Variants in CDHR2 observed in about 807,000 individuals in gnomAD.
CDHR2 encodes cadherin-related family member 2.
Under a neutral mutation model 138.6 loss-of-function variants are expected in CDHR2, and 104 were observed. The ratio of observed to expected loss-of-function variants is 0.75; its 90% CI spans 0.64 to 0.88. The LOEUF is 0.88. CDHR2 is among the 40% of genes least tolerant of loss of function. CDHR2 has a pLI of 0.00. For synonymous variants in CDHR2, 755 were observed against 742.8 expected (o/e 1.02, Z -0.27); for missense variants, 1,624 against 1,727.6 (o/e 0.94, Z 1.06).
intron 1 of CDHR2, among the ~76,000 whole-genome samples, chr5:176,557,692 TTC>T (rs1322785947): frequency 1.4e-4 from 5 of 35,096 alleles, no homozygotes; most frequent in Non-Finnish European, 1.9e-4. Context: ...TTTTTTTTCT[TTC>T]TTTCTTTCTT....
At chr5:176,590,856 C>T (rs1758827045) in intron 28 of CDHR2, among the ~76,000 whole-genome samples, 169 bp downstream of exon 28, 1 of 152,174 alleles carries the variant, frequency 6.6e-6, no homozygotes, top group African/African-American at 2.4e-5. Context: ...CCACGGGCCT[C>T]AGTTTCCTTA....
intron 6 of CDHR2, 48 bp downstream of exon 6, chr5:176,571,350 G>T: frequency 7.2e-7 from 1 of 1,384,278 alleles, no homozygotes; most frequent in Non-Finnish European, 1.0e-6. Context: ...ATCCCAAAGT[G>T]CTTCTCAGAG....
intron 6 of CDHR2, among the ~76,000 whole-genome samples, chr5:176,572,057 G>T (rs983789058): frequency 6.6e-6 from 1 of 151,930 alleles, no homozygotes; most frequent in Non-Finnish European, 1.5e-5. Context: ...CTCCATCCTG[G>T]GGGAAGAGAG....
In CDHR2 at chr5:176,553,627, G is replaced by A. The variant is rs527487575; in HGVS notation, c.-16+4213G>A. On this transcript the variant is annotated intron_variant, in intron 1 of 31. Coordinates refer to ENST00000261944, the MANE Select transcript of CDHR2 (RefSeq NM_017675.6). This position sits in a 1 kb window ranked among gnomAD's most constrained non-coding sequence, Gnocchi z 4.3. ...ACAGCCTCAGAGGGATGCCTGGGCT[G>A]GACGCATCCAGCCCCTGGCTGTTCC... Among the ~76,000 whole-genome samples, 2 of 152,234 alleles carry A rather than the reference G, an allele frequency of 1.3e-5. No individual in the cohort carries two copies. Among genetic ancestry groups the A allele is most frequent in the South Asian group, 4.2e-4 (2 of 4,814 alleles).
In CDHR2 at chr5:176,577,749, C is replaced by T. The variant is rs572917209; in HGVS notation, c.1463C>T (p.Thr488Met). 2.5e-5 allele frequency: 40 copies of T among 1,614,186 alleles called. No individual in the cohort carries two copies. The highest frequency in any genetic ancestry group is 8.3e-5 in the Admixed American group (5 of 60,020). ...TTTCCCCAGAGCTTGTACGTCCTCA[C>T]GGTGCCAGAGCACAGCGCCACCGGC... ...PTFPQSLYVL[T>M]VPEHSATGSV... Residue 488 changes from threonine (T) to methionine (M), a missense_variant, in exon 14 of 32, where the codon ACG becomes ATG. By Grantham distance (81) the Thr-to-Met change is moderately conservative. This residue lies in a region of CDHR2 where 1,061 missense variants were observed against 1,136.6 expected (regional missense o/e 0.93). Coordinates refer to ENST00000261944, the MANE Select transcript of CDHR2 (RefSeq NM_017675.6).
At chr5:176,556,258 C>T (rs79581348) in intron 1 of CDHR2, among the ~76,000 whole-genome samples, 4 of 152,232 alleles carry the variant, frequency 2.6e-5, no homozygotes, top group Non-Finnish European at 5.9e-5. Flanking sequence ...AATCTCATCA[C>T]TTTAGGAGGC....
At position 176,579,364 on chromosome 5, in the gene CDHR2, ACAGGC is replaced by A. The variant is rs1758474873; in HGVS notation, c.1818+757_1818+761del. Among the ~76,000 whole-genome samples, 42 of 152,234 alleles carry A rather than the reference ACAGGC, an allele frequency of 2.8e-4. 1 individual carries two copies. The highest frequency in any genetic ancestry group is 2.7e-3 in the Admixed American group (42 of 15,284). On this transcript the variant is annotated intron_variant, in intron 16 of 31. Transcript: ENST00000261944. ...AATAGTTCCCATTTCTCAGGAGACA[ACAGGC>A]TCAGAAAGGTTAAGTGATTTTCTGT... is the stretch of plus-strand genomic sequence containing the variant.
At position 176,571,313 on chromosome 5, in the gene CDHR2, C is replaced by T. The variant is rs1328337633; in HGVS notation, c.405+11C>T. The stretch of plus-strand genomic sequence containing the variant: ...ACCAGCATCAACGAGGTGACACCTG[C>T]CTTAATGTGGTTGTGGGGCAGGGGG... On this transcript the variant is annotated intron_variant, in intron 6 of 31. Transcript: ENST00000261944. 9.4e-6 allele frequency: 15 copies of T among 1,593,858 alleles called. No individual in the cohort carries two copies. Among genetic ancestry groups the T allele is most frequent in the Non-Finnish European group, 1.3e-5 (15 of 1,168,556 alleles).
At chr5:176,561,456 C>T (rs1017579254) in intron 1 of CDHR2, among the ~76,000 whole-genome samples, 16 of 152,140 alleles carry the variant, frequency 1.1e-4, no homozygotes, top group African/African-American at 3.4e-4. Context: ...GTGCATCAGA[C>T]GCAGACCTTG....
rs751352162 is a variant in CDHR2 at position 176,577,654 on chromosome 5, C to T, written c.1368C>T (p.Ser456=). ...GCCCCCAGGTTGTGGCCACAGACTC[C>T]GTCAGCCAGAACTTCTCCGTCGCCA... ...AMAVQVVATD[S]VSQNFSVAMV... Residue 456 remains serine (S), a synonymous_variant, in exon 14 of 32, where the codon TCC becomes TCT. Transcript: ENST00000261944. The T allele has an allele frequency of 9.9e-6, 16 of 1,614,086 alleles. No individual in the cohort carries two copies. Among genetic ancestry groups the T allele is most frequent in the African/African-American group, 2.7e-5 (2 of 74,938 alleles).
intron 1 of CDHR2, among the ~76,000 whole-genome samples, chr5:176,564,720 C>T (rs114480166): frequency 1.8e-4 from 28 of 152,050 alleles, no homozygotes; most frequent in African/African-American, 6.5e-4. Flanking sequence ...TCTGCTGTGG[C>T]GCATCTCAGA....
At position 176,553,606 on chromosome 5, in the gene CDHR2, C is replaced by T. The variant is rs114568376; in HGVS notation, c.-16+4192C>T. Among the ~76,000 whole-genome samples, 1,401 of 152,234 alleles carry T rather than the reference C, an allele frequency of 9.2e-3. 8 individuals are homozygous for T. Among genetic ancestry groups the T allele is most frequent in the Non-Finnish European group, 0.015 (1,044 of 67,984 alleles). On this transcript the variant is annotated intron_variant, in intron 1 of 31. Coordinates refer to ENST00000261944, the MANE Select transcript of CDHR2 (RefSeq NM_017675.6). This position sits in a 1 kb window ranked among gnomAD's most constrained non-coding sequence, Gnocchi z 4.3. ...GAGGGAGGTAGGTTCCAGGTTACAG[C>T]CTCAGAGGGATGCCTGGGCTGGACG... is the stretch of plus-strand genomic sequence containing the variant.
intron 1 of CDHR2, among the ~76,000 whole-genome samples, chr5:176,558,699 T>C (rs1028247936): frequency 6.6e-6 from 1 of 150,732 alleles, no homozygotes. Flanking sequence ...TTTTGTATTT[T>C]TTAATGGAGA....
At chr5:176,594,903 G>C (rs1436077128) in intron 31 of CDHR2, among the ~76,000 whole-genome samples, 3 of 152,206 alleles carry the variant, frequency 2.0e-5, no homozygotes, top group African/African-American at 7.2e-5. Context: ...AAGGGCGGGA[G>C]AGATGAGTGA....
In CDHR2 at chr5:176,571,311, T is replaced by C; in HGVS notation, c.405+9T>C. On this transcript the variant is annotated intron_variant, in intron 6 of 31. Transcript: ENST00000261944. The stretch of plus-strand genomic sequence containing the variant: ...CCACCAGCATCAACGAGGTGACACC[T>C]GCCTTAATGTGGTTGTGGGGCAGGG... The C allele has an allele frequency of 6.3e-7, 1 of 1,594,218 alleles. No individual in the cohort carries two copies. Among genetic ancestry groups the C allele is most frequent in the Non-Finnish European group, 8.6e-7 (1 of 1,168,830 alleles).
chr5:176,556,987 C>T (rs2113261489), intron 1 of CDHR2, among the ~76,000 whole-genome samples: 1 of 105,108 alleles, frequency 9.5e-6, no homozygotes, highest in Middle Eastern at 4.5e-3. Flanking sequence ...TCCTCTCTTC[C>T]TTCCTTCCTT....
chr5:176,578,544 T>C lies in CDHR2; in HGVS notation c.1754T>C (p.Val585Ala). 2 of 1,614,086 alleles carry C rather than the reference T, an allele frequency of 1.2e-6. No individual in the cohort carries two copies. Among genetic ancestry groups the C allele is most frequent in the Non-Finnish European group, 1.7e-6 (2 of 1,180,034 alleles). ...HLLDINDNAP[V>A]VSGSYNIFVQ... Reference sequence around the variant, plus strand: ...CTGGACATCAACGACAATGCACCCGTGGTTAGCGGCTCCTACAACATCTTC... The same window carrying C: ...CTGGACATCAACGACAATGCACCCGCGGTTAGCGGCTCCTACAACATCTTC... Residue 585 changes from valine (V) to alanine (A), a missense_variant, in exon 16 of 32, where the codon GTG becomes GCG. Physicochemically the swap from Val to Ala is moderately conservative, Grantham distance 64. Coordinates refer to ENST00000261944, the MANE Select transcript of CDHR2 (RefSeq NM_017675.6).
Position 176,570,950 on chromosome 5 carries a change from T to TAA in CDHR2, c.316-249_316-248dup, listed in dbSNP as rs35630981. On this transcript the variant is annotated intron_variant, in intron 5 of 31. Transcript: ENST00000261944. ...TGGGTAACAAGAATGAAACTCTGTC[T>TAA]AAAAAAAAAAAAAAATTAACTAATG... Among the ~76,000 whole-genome samples the TAA allele has an allele frequency of 5.5e-3, 680 of 123,814 alleles. 8 individuals carry two copies. Among genetic ancestry groups the TAA allele is most frequent in the African/African-American group, 0.019 (650 of 34,840 alleles). 81.2% of individuals were successfully genotyped at this position (123,814 alleles called of 152,430 possible). A position where few individuals can be genotyped will look rare whatever the true frequency, so the allele number is the denominator to read the frequency against.
intron 7 of CDHR2, 55 bp downstream of exon 7, chr5:176,574,227 C>T (rs1758304730): frequency 3.0e-6 from 4 of 1,314,278 alleles, no homozygotes; most frequent in Admixed American, 1.7e-5. Context: ...GCAGCATCTC[C>T]ACAGACAACC....
Sources: gnomAD v4.1 joint callset for allele counts (sites outside exome capture counted in the v4.1 genomes callset) on GRCh38, gnomAD v4.1.1 for gene constraint, gnomAD v4.1.1 regional missense constraint, Gnocchi (gnomAD v3.1) non-coding constraint, MANE v1.5 for transcripts, NCBI Gene and HGNC (gene_info 2026-07-23, HGNC 2026-07-21) for gene names.